STXBP5L: variants seen among roughly 807,000 people sequenced by gnomAD.
STXBP5L encodes the protein syntaxin binding protein 5L.
Under a neutral mutation model 144.5 loss-of-function variants are expected in STXBP5L, and 65 were observed. That is an observed-to-expected ratio of 0.45 (90% CI 0.37 to 0.55). The LOEUF is 0.55. STXBP5L is among the 20% of genes least tolerant of loss of function. STXBP5L has a pLI of 0.00. For synonymous variants in STXBP5L, 505 were observed against 469.6 expected (o/e 1.08, Z -0.97); for missense variants, 1,298 against 1,405.5 (o/e 0.92, Z 1.22).
At chr3:121,273,226 T>C (rs1266714678) in intron 18 of STXBP5L, among the ~76,000 whole-genome samples, 2 of 152,084 alleles carry the variant, frequency 1.3e-5, no homozygotes, top group African/African-American at 4.8e-5. Flanking sequence ...TCATCACTTT[T>C]GTTTGTCTGT....
chr3:120,993,921 A>G (rs990419499), intron 3 of STXBP5L, among the ~76,000 whole-genome samples: 15 of 151,992 alleles, frequency 9.9e-5, no homozygotes, highest in Admixed American at 9.2e-4. Flanking sequence ...AATTCTTCCA[A>G]TTCATGAGCA....
intron 9 of STXBP5L, among the ~76,000 whole-genome samples, chr3:121,177,558 GA>G (rs1453889009): frequency 2.0e-5 from 3 of 152,084 alleles, no homozygotes; most frequent in African/African-American, 7.2e-5. Flanking sequence ...AAACCGTAAT[GA>G]AAATACCACC....
At chr3:121,075,298 G>C (rs750613697) in intron 5 of STXBP5L, among the ~76,000 whole-genome samples, 28 of 152,174 alleles carry the variant, frequency 1.8e-4, no homozygotes, top group Middle Eastern at 6.8e-3. Flanking sequence ...CAGCCCCCTT[G>C]TTCTGGCTTA....
intron 5 of STXBP5L, among the ~76,000 whole-genome samples, chr3:121,089,092 TAAAA>T (rs375977537): frequency 0.017 from 977 of 56,144 alleles, 3 homozygotes; most frequent in African/African-American, 0.037. Context: ...TAGAGTATAA[TAAAA>T]AAAAAAAAAA....
At chr3:120,953,884 A>T (rs1008666388) in intron 2 of STXBP5L, among the ~76,000 whole-genome samples, 1 of 152,112 alleles carries the variant, frequency 6.6e-6, no homozygotes, top group Non-Finnish European at 1.5e-5. Context: ...TACTTGTTTG[A>T]TTCCTAACCT....
intron 20 of STXBP5L, among the ~76,000 whole-genome samples, chr3:121,349,148 G>C (rs887726958): frequency 6.6e-6 from 1 of 152,026 alleles, no homozygotes; most frequent in Non-Finnish European, 1.5e-5. Flanking sequence ...GGAGATTCTG[G>C]TACGTTGTGT....
intron 9 of STXBP5L, among the ~76,000 whole-genome samples, chr3:121,167,624 C>G (rs2046547711): frequency 6.6e-6 from 1 of 152,142 alleles, no homozygotes; most frequent in Non-Finnish European, 1.5e-5. Flanking sequence ...GACTGCCTCT[C>G]CAGATTGCTT....
chr3:121,082,573 A>G (rs1442122024), intron 5 of STXBP5L, among the ~76,000 whole-genome samples: 1 of 152,208 alleles, frequency 6.6e-6, no homozygotes, highest in South Asian at 2.1e-4. Flanking sequence ...TGCTCTGACC[A>G]TCTTGAAATT....
intron 5 of STXBP5L, among the ~76,000 whole-genome samples, chr3:121,105,560 G>A (rs564602806): frequency 9.2e-5 from 14 of 152,176 alleles, no homozygotes; most frequent in East Asian, 5.8e-4. Context: ...AAGAATAGGC[G>A]TTGGCGTGGA....
intron 19 of STXBP5L, among the ~76,000 whole-genome samples, chr3:121,296,770 G>A (rs1045204975): frequency 3.9e-5 from 6 of 152,060 alleles, no homozygotes; most frequent in Admixed American, 3.3e-4. Flanking sequence ...CTATAGATTG[G>A]AATTTGAAAG....
chr3:121,035,711 A>T (rs1946700459), intron 3 of STXBP5L, among the ~76,000 whole-genome samples: 1 of 152,144 alleles, frequency 6.6e-6, no homozygotes, highest in Admixed American at 6.6e-5. Context: ...GTTCCATATG[A>T]ATTTTAAGAT....
chr3:120,966,718 A>T (rs1408939029), intron 3 of STXBP5L, among the ~76,000 whole-genome samples: 1 of 152,054 alleles, frequency 6.6e-6, no homozygotes, highest in Non-Finnish European at 1.5e-5. Context: ...GTTGGCCCCT[A>T]CTGGGAGGTG....
chr3:121,409,921 C>T (rs1267561466), intron 23 of STXBP5L, among the ~76,000 whole-genome samples: 6 of 149,782 alleles, frequency 4.0e-5, no homozygotes, highest in South Asian at 2.1e-4. Context: ...ACAGGAAAGT[C>T]GCTTAAGAGT....
chr3:121,205,429 A>T (rs1218904127), intron 9 of STXBP5L, among the ~76,000 whole-genome samples: 1 of 152,230 alleles, frequency 6.6e-6, no homozygotes, highest in African/African-American at 2.4e-5. Context: ...TAATTCATCC[A>T]TGAGGGCAAA....
chr3:120,956,177 G>A (rs1481349612), intron 3 of STXBP5L, among the ~76,000 whole-genome samples: 1 of 151,912 alleles, frequency 6.6e-6, no homozygotes, highest in Non-Finnish European at 1.5e-5. Context: ...GAAGGGTCAT[G>A]TGGTAATTAG....
rs1198117810 is a variant in STXBP5L, at chr3:121,121,715, T to C, written c.669+11T>C. 2 of 1,578,142 alleles carry C rather than the reference T, an allele frequency of 1.3e-6. No homozygotes were observed. Among genetic ancestry groups the C allele is most frequent in the African/African-American group, 1.3e-5 (1 of 74,152 alleles). Reference sequence around the variant, plus strand: ...AGAGATGAAGGCAAAGTGAGTATTATGATATCTTTATTATTAGTTTTATTT... The same window carrying C: ...AGAGATGAAGGCAAAGTGAGTATTACGATATCTTTATTATTAGTTTTATTT... On this transcript the variant is annotated intron_variant, in intron 7 of 26. Transcript: ENST00000471454.
intron 2 of STXBP5L, among the ~76,000 whole-genome samples, chr3:120,953,325 CTTTTT>C (rs397875191): frequency 5.6e-4 from 59 of 105,706 alleles, no homozygotes; most frequent in Middle Eastern, 5.4e-3. Flanking sequence ...TCACAATTGA[CTTTTT>C]TTTTTTTTTT....
intron 19 of STXBP5L, among the ~76,000 whole-genome samples, chr3:121,300,864 A>G (rs1204966116): frequency 6.6e-6 from 1 of 152,182 alleles, no homozygotes; most frequent in Non-Finnish European, 1.5e-5. Flanking sequence ...CAGGATTAAA[A>G]AGAAACAAAT....
At chr3:121,090,819 G>A (rs1245563071) in intron 5 of STXBP5L, among the ~76,000 whole-genome samples, 1 of 151,784 alleles carries the variant, frequency 6.6e-6, no homozygotes, top group African/African-American at 2.4e-5. Flanking sequence ...GGGTACATGT[G>A]CACAACGTGC....
Sources: allele counts gnomAD v4.1 joint callset (sites outside exome capture counted in the v4.1 genomes callset), GRCh38; gene constraint gnomAD v4.1.1; transcripts MANE v1.5; gene names NCBI Gene and HGNC (gene_info 2026-07-23, HGNC 2026-07-21).